The following RUVBL2 variants were observed in gnomAD, a reference collection of about 807,000 sequenced individuals.
The protein encoded by RUVBL2 is ruvB-like 2.
In RUVBL2, 9 loss-of-function variants were observed where a neutral mutation model predicts 57.9. That is an observed-to-expected ratio of 0.16 (90% confidence interval 0.09 to 0.27). The LOEUF is 0.27. Among genes scored for constraint, RUVBL2 ranks in the 10% least tolerant of loss-of-function variants. The pLI, the probability that RUVBL2 is intolerant of heterozygous loss-of-function variation, is 1.00. For synonymous variants in RUVBL2, 278 were observed against 264.6 expected (o/e 1.05, Z -0.49); for missense variants, 456 against 669.6 (o/e 0.68, Z 3.52).
At chr19:49,006,418 G>A (rs1260811103) in intron 4 of RUVBL2, among the ~76,000 whole-genome samples, 2 of 152,220 alleles carry the variant, frequency 1.3e-5, no homozygotes, top group East Asian at 3.9e-4. Context: ...CTGCGCAACC[G>A]TGTTACTGCT....
intron 2 of RUVBL2, among the ~76,000 whole-genome samples, chr19:49,001,141 C>G (rs967206935): frequency 6.7e-6 from 1 of 149,550 alleles, no homozygotes; most frequent in African/African-American, 2.4e-5. Context: ...GAGACGCTCT[C>G]TCAAAAAATA....
upstream of RUVBL2, chr19:48,993,449 T>G: frequency 2.3e-6 from 1 of 427,750 alleles, no homozygotes; most frequent in Non-Finnish European, 4.4e-6. Context: ...GGAGTCGCTG[T>G]GTCCCGGCCC....
chr19:49,014,395 G>T, intron 11 of RUVBL2, 89 bp from the exon 12 acceptor site: 2 of 1,493,934 alleles, frequency 1.3e-6, no homozygotes, highest in South Asian at 1.3e-5. Context: ...CCAGTGAGTG[G>T]GTGGCGATGG....
intron 2 of RUVBL2, among the ~76,000 whole-genome samples, chr19:49,002,248 C>T (rs546670203): frequency 5.6e-4 from 85 of 152,150 alleles, no homozygotes; most frequent in African/African-American, 2.0e-3. Context: ...CGGGGTTTCA[C>T]CATGTTGGCC....
rs901741534 is a variant in RUVBL2, at chr19:49,011,675, C to T, written c.1001+365C>T. On this transcript the variant is annotated intron_variant, in intron 11 of 14. Transcript: ENST00000595090. This position sits in a 1 kb window ranked among gnomAD's most constrained non-coding sequence, Gnocchi z 4.4. ...ATAACATAAACTACGATTGTTCAGT[C>T]ACTTCGACCCAGCAACTCCATTAAC... 1.3e-5 allele frequency among the ~76,000 whole-genome samples: 2 copies of T among 152,230 alleles called. No individual in the cohort carries two copies. Among genetic ancestry groups the T allele is most frequent in the African/African-American group, 4.8e-5 (2 of 41,454 alleles).
chr19:49,000,374 G>T (rs1042785204), intron 2 of RUVBL2, among the ~76,000 whole-genome samples: 2 of 152,164 alleles, frequency 1.3e-5, no homozygotes, highest in African/African-American at 4.8e-5. Flanking sequence ...GGCCAACATG[G>T]TGAAACCTCG....
intron 5 of RUVBL2, 65 bp downstream of exon 5, chr19:49,007,212 G>T (rs766188722): frequency 6.2e-7 from 1 of 1,608,122 alleles, no homozygotes; most frequent in Non-Finnish European, 8.5e-7. Flanking sequence ...CACCCCGGGC[G>T]GCTCGTCCTT....
At chr19:49,003,160 C>A in intron 2 of RUVBL2, 119 bp from the exon 3 acceptor site, 1 of 817,302 alleles carries the variant, frequency 1.2e-6, no homozygotes, top group Non-Finnish European at 2.1e-6. Context: ...TCCCCCAACC[C>A]CTGCTCCCTA....
upstream of RUVBL2, chr19:48,993,701 T>G: frequency 1.6e-6 from 1 of 630,926 alleles, no homozygotes. Context: ...CAGGAGACAT[T>G]GGGAATGGAC....
upstream of RUVBL2, chr19:48,993,872 G>C: frequency 2.5e-6 from 4 of 1,614,008 alleles, no homozygotes; most frequent in South Asian, 2.2e-5. Context: ...CTCCTCGCGC[G>C]TTTCCGTTTC....
At chr19:49,007,394 G>C in intron 6 of RUVBL2, 26 bp downstream of exon 6, 1 of 1,605,218 alleles carries the variant, frequency 6.2e-7, no homozygotes, top group Non-Finnish European at 8.5e-7. Context: ...TCTGTACCCT[G>C]CTGAGGCCAC....
At position 49,003,255 on chromosome 19, in the gene RUVBL2, T is replaced by A. The variant is rs554461892; in HGVS notation, c.68-24T>A. ...TGCAGCAAGCTGGCTAGTAACTGAG[T>A]CTTTGTTCTTTCCCTTCATGTAGGT... is the stretch of plus-strand genomic sequence containing the variant. On this transcript the variant is annotated intron_variant, in intron 2 of 14. Coordinates refer to ENST00000595090, the MANE Select transcript of RUVBL2 (RefSeq NM_006666.3). 5.0e-6 allele frequency: 8 copies of A among 1,602,396 alleles called. No individual in the cohort carries two copies. The African/African-American group carries it at 9.6e-5, about 19-fold the overall frequency.
At chr19:48,994,028 G>A in intron 1 of RUVBL2, 105 bp downstream of exon 1, 1 of 1,404,540 alleles carries the variant, frequency 7.1e-7, no homozygotes, top group Admixed American at 1.9e-5. Context: ...GGGGGGATCT[G>A]GGGGTTCAGA....
At position 49,015,861 on chromosome 19, in the gene RUVBL2, AC is replaced by A. The variant is rs1362552454; in HGVS notation, c.*23del. 6.2e-7 allele frequency: 1 copy of A among 1,613,882 alleles called. No homozygotes were observed. The highest frequency in any genetic ancestry group is 1.3e-5 in the African/African-American group (1 of 74,918). On this transcript the variant is annotated 3_prime_UTR_variant, in exon 15 of 15. Coordinates refer to ENST00000595090, the MANE Select transcript of RUVBL2 (RefSeq NM_006666.3). ...CTCCTGAGTTGGATGTCATCCCCCG[AC>A]CCCACCCTGTTTTCCACCAGAGTTC...
chr19:48,995,398 T>A (rs1442969556), intron 1 of RUVBL2, among the ~76,000 whole-genome samples: 1 of 150,624 alleles, frequency 6.6e-6, no homozygotes, highest in Non-Finnish European at 1.5e-5. Context: ...GCTCCTGGGT[T>A]CCAGCTTCCT....
At chr19:49,006,708 C>T (rs561396159) in intron 4 of RUVBL2, among the ~76,000 whole-genome samples, 16 of 152,234 alleles carry the variant, frequency 1.1e-4, no homozygotes, top group Non-Finnish European at 1.8e-4. Context: ...CTAAACAGCT[C>T]GTAGAGGCTG....
Position 49,009,316 on chromosome 19 carries a change from A to G in RUVBL2, c.463-460A>G, listed in dbSNP as rs368535579. 2.4e-4 allele frequency among the ~76,000 whole-genome samples: 37 copies of G among 151,276 alleles called. No individual in the cohort carries two copies. In the East Asian group the frequency reaches 6.7e-3, roughly 27 times the overall value. On this transcript the variant is annotated intron_variant, in intron 6 of 14. Coordinates refer to ENST00000595090, the MANE Select transcript of RUVBL2 (RefSeq NM_006666.3). ...ATCCTGGCTATCACAGTGAAACCCC[A>G]TCTCTACTAAAAATACAAAAATTAG...
chr19:49,008,542 A>G (rs563179335), intron 6 of RUVBL2, among the ~76,000 whole-genome samples: 34 of 146,686 alleles, frequency 2.3e-4, no homozygotes, highest in African/African-American at 8.4e-4. Context: ...TACTATTTTT[A>G]TTAAGAGCTT....
rs750887377 is a variant in RUVBL2, at chr19:49,007,155, G to A, written c.395+8G>A. Reference sequence around the variant, plus strand: ...CATCGGCGTTCGCATCAAGTAAGCGGGGGACCCGAGGCGGGTGCCAGACCC... The same window carrying A: ...CATCGGCGTTCGCATCAAGTAAGCGAGGGACCCGAGGCGGGTGCCAGACCC... On this transcript the variant is annotated splice_region_variant and intron_variant, in intron 5 of 14. Coordinates refer to ENST00000595090, the MANE Select transcript of RUVBL2 (RefSeq NM_006666.3). 1.9e-6 allele frequency: 3 copies of A among 1,613,212 alleles called. No homozygotes were observed. The highest frequency in any genetic ancestry group is 2.2e-5 in the South Asian group (2 of 91,076).
Sources: gnomAD v4.1 joint callset for allele counts (sites outside exome capture counted in the v4.1 genomes callset) on GRCh38, gnomAD v4.1.1 for gene constraint, Gnocchi (gnomAD v3.1) non-coding constraint, MANE v1.5 for transcripts, NCBI Gene and HGNC (gene_info 2026-07-23, HGNC 2026-07-21) for gene names.